The following DNAJC12 variants were observed in gnomAD, a reference collection of about 807,000 sequenced individuals.
DNAJC12 encodes dnaJ homolog subfamily C member 12.
In DNAJC12, 25 loss-of-function variants were observed where a neutral mutation model predicts 28.5. The observed-to-expected ratio is 0.88, with a 90% confidence interval of 0.64 to 1.22. DNAJC12 has a LOEUF of 1.22. Among genes scored for constraint, DNAJC12 ranks in the 50% most tolerant of loss-of-function variants. The pLI is 0.00. For missense variants in DNAJC12, 222 were observed against 231.7 expected, an observed-to-expected ratio of 0.96 and a Z score of 0.27; for synonymous variants, 77 against 80.6, an observed-to-expected ratio of 0.95 and a Z score of 0.24.
At chr10:67,806,994 G>T (rs1040560338) in intron 3 of DNAJC12, among the ~76,000 whole-genome samples, 3 of 152,110 alleles carry the variant, frequency 2.0e-5, no homozygotes, top group Non-Finnish European at 2.9e-5. Flanking sequence ...TGGGCGCAGT[G>T]GCTCACACCT....
chr10:67,837,566 A>C (rs1218500914), intron 1 of DNAJC12, among the ~76,000 whole-genome samples: 1 of 152,168 alleles, frequency 6.6e-6, no homozygotes, highest in Non-Finnish European at 1.5e-5. Context: ...ATTTCACCTC[A>C]ATTATGAGTC....
chr10:67,805,832 T>C (rs760528423), intron 3 of DNAJC12, 45 bp from the exon 4 acceptor site: 3 of 1,414,436 alleles, frequency 2.1e-6, no homozygotes, highest in African/African-American at 1.5e-5. Context: ...ATTGATATTA[T>C]ATGATTTTCT....
intron 3 of DNAJC12, among the ~76,000 whole-genome samples, chr10:67,806,907 C>T (rs1322356135): frequency 6.6e-6 from 1 of 151,708 alleles, no homozygotes; most frequent in African/African-American, 2.4e-5. Context: ...AGAATTACAT[C>T]TTTTGTTTTT....
chr10:67,821,427 A>T (rs1841980073), intron 2 of DNAJC12, among the ~76,000 whole-genome samples: 1 of 152,172 alleles, frequency 6.6e-6, no homozygotes, highest in South Asian at 2.1e-4. Flanking sequence ...GAGGCAGGAG[A>T]ATCGCTTGAA....
intron 3 of DNAJC12, chr10:67,810,745 A>T (rs2131796686): frequency 6.6e-6 from 1 of 152,320 alleles, no homozygotes. Context: ...ATCTAAATGT[A>T]ACCCTGAAGG....
intron 1 of DNAJC12, among the ~76,000 whole-genome samples, chr10:67,836,252 G>A (rs1043274255): frequency 1.3e-5 from 2 of 151,900 alleles, no homozygotes; most frequent in Admixed American, 1.3e-4. Flanking sequence ...AATGTATGCG[G>A]GGCTTAAAAC....
chr10:67,832,761 C>T (rs1187626373), intron 1 of DNAJC12, among the ~76,000 whole-genome samples: 1 of 152,166 alleles, frequency 6.6e-6, no homozygotes, highest in African/African-American at 2.4e-5. Context: ...AGGACAGTCT[C>T]AAAGTACCTT....
chr10:67,822,366 A>C (rs1841989262), intron 2 of DNAJC12, among the ~76,000 whole-genome samples: 1 of 152,202 alleles, frequency 6.6e-6, no homozygotes, highest in Non-Finnish European at 1.5e-5. Flanking sequence ...TAAGTACCAA[A>C]AGGTAACCAC....
At chr10:67,806,951 A>G (rs910831109) in intron 3 of DNAJC12, among the ~76,000 whole-genome samples, 3 of 152,070 alleles carry the variant, frequency 2.0e-5, no homozygotes, top group Non-Finnish European at 2.9e-5. Context: ...AAGATTATAT[A>G]TATGTACAAT....
At position 67,797,071 on chromosome 10, in the gene DNAJC12, T is replaced by G; in HGVS notation, c.*45A>C. The G allele has an allele frequency of 6.8e-7, 1 of 1,479,682 alleles. No individual in the cohort carries two copies. Among genetic ancestry groups the G allele is most frequent in the Non-Finnish European group, 9.4e-7 (1 of 1,066,280 alleles). 91.7% of individuals were successfully genotyped at this position (1,479,682 alleles called of 1,614,324 possible). A position where few individuals can be genotyped will look rare whatever the true frequency, so the allele number is the denominator to read the frequency against. On this transcript the variant is annotated 3_prime_UTR_variant, in exon 5 of 5. Coordinates refer to ENST00000225171, the MANE Select transcript of DNAJC12 (RefSeq NM_021800.3). ...AAACAAAGACTGCATGTTGGCAGCA[T>G]AGGGGACAGTCTTGCTCTTCCTCAT...
At chr10:67,803,801 T>C (rs1396609435) in intron 4 of DNAJC12, among the ~76,000 whole-genome samples, 1 of 152,264 alleles carries the variant, frequency 6.6e-6, no homozygotes, top group East Asian at 1.9e-4. Flanking sequence ...ACTGTTTTTC[T>C]ACACTTCAGG....
chr10:67,815,326 T>C (rs942033925), intron 2 of DNAJC12, among the ~76,000 whole-genome samples: 11 of 151,976 alleles, frequency 7.2e-5, no homozygotes, highest in Admixed American at 4.6e-4. Context: ...CTGACCAACA[T>C]AGAGAAACTC....
In DNAJC12 at chr10:67,806,955, G is replaced by A. The variant is rs182653338; in HGVS notation, c.298-1168C>T. Among the ~76,000 whole-genome samples the A allele has an allele frequency of 4.6e-5, 7 of 152,092 alleles. No homozygotes were observed. In the East Asian group the frequency reaches 9.7e-4, roughly 21 times the overall value. ...TTTTCTATGAGAAGATTATATATAT[G>A]TACAATTAGAAAACATTGTATTTTA... is the stretch of plus-strand genomic sequence containing the variant. On this transcript the variant is annotated intron_variant, in intron 3 of 4. Coordinates refer to ENST00000225171, the MANE Select transcript of DNAJC12 (RefSeq NM_021800.3).
At chr10:67,808,745 G>A (rs1467436402) in intron 3 of DNAJC12, 1 of 152,068 alleles carries the variant, frequency 6.6e-6, no homozygotes, top group Non-Finnish European at 1.5e-5. Context: ...AAATTGACTG[G>A]TTATTATTAT....
intron 2 of DNAJC12, among the ~76,000 whole-genome samples, chr10:67,821,655 C>T (rs917157458): frequency 4.6e-5 from 7 of 152,108 alleles, no homozygotes; most frequent in African/African-American, 1.7e-4. Context: ...ATTTTTTATT[C>T]CTTTTTGTAC....
chr10:67,817,364 T>C (rs1841926428), intron 2 of DNAJC12, among the ~76,000 whole-genome samples: 1 of 152,192 alleles, frequency 6.6e-6, no homozygotes. Context: ...AGCCTGTGTT[T>C]ATATCCACTA....
In DNAJC12 at chr10:67,805,570, T is replaced by C; in HGVS notation, c.502+13A>G. ...AGACCTTCTCCATTCTGCAGTTATATAACGTGACTTACCTGAAGAATCTGA... is the reference window on the plus strand; with the variant it reads ...AGACCTTCTCCATTCTGCAGTTATACAACGTGACTTACCTGAAGAATCTGA... On this transcript the variant is annotated intron_variant, in intron 4 of 4. Transcript: ENST00000225171. 1.3e-6 allele frequency: 2 copies of C among 1,596,062 alleles called. No homozygotes were observed. Among genetic ancestry groups the C allele is most frequent in the Middle Eastern group, 1.7e-4 (1 of 5,974 alleles).
chr10:67,799,018 G>T (rs7898335), intron 4 of DNAJC12, among the ~76,000 whole-genome samples: 143,431 of 152,104 alleles, frequency 0.94, 68,206 homozygotes, highest in East Asian at 1. Context: ...GCCTGCCTCA[G>T]CCTCCCAAAG....
intron 1 of DNAJC12, among the ~76,000 whole-genome samples, chr10:67,835,149 T>C (rs1461671901): frequency 6.6e-6 from 1 of 152,200 alleles, no homozygotes; most frequent in Non-Finnish European, 1.5e-5. Flanking sequence ...AAGAACTATA[T>C]ACCAAAGCAA....
Sources: allele counts gnomAD v4.1 joint callset (sites outside exome capture counted in the v4.1 genomes callset), GRCh38; gene constraint gnomAD v4.1.1; transcripts MANE v1.5; gene names NCBI Gene and HGNC (gene_info 2026-07-23, HGNC 2026-07-21).